CCSER2: variants seen among roughly 807,000 people sequenced by gnomAD.
The protein encoded by CCSER2 is coiled-coil serine rich protein 2, also known as serine-rich coiled-coil domain-containing protein 2.
In CCSER2, 46 loss-of-function variants were observed where a neutral mutation model predicts 92.3. The observed-to-expected ratio is 0.50, with a 90% confidence interval of 0.39 to 0.64. CCSER2 has a LOEUF of 0.64. Ranked by LOEUF, CCSER2 falls within the 30% of genes least tolerant of loss-of-function variation. The pLI is 0.00. For synonymous variants in CCSER2, 433 were observed against 431.4 expected (o/e 1.00, Z -0.04); for missense variants, 1,244 against 1,238.9 (o/e 1.00, Z -0.06).
At chr10:84,471,207 G>A (rs1416790214) in intron 8 of CCSER2, among the ~76,000 whole-genome samples, 3 of 152,058 alleles carry the variant, frequency 2.0e-5, no homozygotes, top group East Asian at 1.9e-4. Flanking sequence ...GTCAGCTCAC[G>A]GAGATCCATT....
intron 9 of CCSER2, among the ~76,000 whole-genome samples, chr10:84,492,475 A>G (rs1378391135): frequency 1.3e-5 from 2 of 152,070 alleles, no homozygotes; most frequent in Admixed American, 1.3e-4. Flanking sequence ...TCTTTGCATT[A>G]TGTCACCAGC....
rs762931084 is a variant in CCSER2 at position 84,371,734 on chromosome 10, A to G, written c.682A>G (p.Ile228Val). ...MVRSQSFSHS[I>V]QNSFLPPSSI... ...AAGGTCACAAAGTTTTTCACATTCC[A>G]TTCAGAATTCATTCCTTCCACCTTC... The change falls in exon 2 of 10, where the codon ATT becomes GTT. Residue 228 changes from isoleucine to valine, a missense_variant. Ile to Val is a conservative substitution (Grantham distance 29). Transcript: ENST00000372088. The G allele has an allele frequency of 1.2e-6, 2 of 1,613,506 alleles. No individual in the cohort carries two copies. Among genetic ancestry groups the G allele is most frequent in the South Asian group, 1.1e-5 (1 of 91,060 alleles).
At position 84,486,384 on chromosome 10, in the gene CCSER2, T is replaced by C. The variant is rs1847810350; in HGVS notation, c.2325+8720T>C. ...AACAGTGTAAAAGTGTTCCTATTTC[T>C]CCACATCCTCTCCAGCACCTGTTGT... On this transcript the variant is annotated intron_variant, in intron 9 of 9. Coordinates refer to ENST00000372088, the MANE Select transcript of CCSER2 (RefSeq NM_001284240.2). 4.6e-5 allele frequency among the ~76,000 whole-genome samples: 7 copies of C among 152,222 alleles called. No individual in the cohort carries two copies. In the South Asian group the frequency reaches 1.4e-3, roughly 31 times the overall value.
chr10:84,328,997 G>C (rs1412054096), intron 1 of CCSER2, among the ~76,000 whole-genome samples, 189 bp downstream of exon 1: 2 of 151,786 alleles, frequency 1.3e-5, no homozygotes, highest in Admixed American at 1.3e-4. Flanking sequence ...GACGCGGGGC[G>C]GGCGCGGACC....
chr10:84,433,084 A>G (rs189790284), intron 5 of CCSER2, among the ~76,000 whole-genome samples: 4 of 152,300 alleles, frequency 2.6e-5, no homozygotes, highest in East Asian at 3.9e-4. Flanking sequence ...TCTTTTGCCA[A>G]TACCACACAT....
At position 84,497,084 on chromosome 10, in the gene CCSER2, G is replaced by T. The variant is rs140359798; in HGVS notation, c.2326-16365G>T. Among the ~76,000 whole-genome samples, 385 of 152,288 alleles carry T rather than the reference G, an allele frequency of 2.5e-3. 2 individuals carry two copies. The highest frequency in any genetic ancestry group is 8.5e-3 in the African/African-American group (353 of 41,550). On this transcript the variant is annotated intron_variant, in intron 9 of 9. Transcript: ENST00000372088. ...AAGTAAGAGAGCTATTATTTTCAGGGTGGTTATATTTAATAGAAGAATTTT... is the reference window on the plus strand; with the variant it reads ...AAGTAAGAGAGCTATTATTTTCAGGTTGGTTATATTTAATAGAAGAATTTT...
intron 1 of CCSER2, among the ~76,000 whole-genome samples, chr10:84,348,743 T>C (rs1160367860): frequency 1.0e-5 from 1 of 95,782 alleles, no homozygotes; most frequent in East Asian, 3.3e-4. Context: ...AAGTTTTGGG[T>C]TTTTTTGGTA....
At chr10:84,511,809 A>G (rs1263282286) in intron 9 of CCSER2, among the ~76,000 whole-genome samples, 1 of 152,150 alleles carries the variant, frequency 6.6e-6, no homozygotes, top group Non-Finnish European at 1.5e-5. Flanking sequence ...TGTTGATTTA[A>G]TTATGTGGTG....
At chr10:84,367,476 A>C (rs539243923) in intron 1 of CCSER2, among the ~76,000 whole-genome samples, 1 of 151,648 alleles carries the variant, frequency 6.6e-6, no homozygotes, top group South Asian at 2.1e-4. Context: ...TCGTGGGCTC[A>C]GTTGATCTTC....
intron 5 of CCSER2, among the ~76,000 whole-genome samples, chr10:84,438,243 G>T (rs558198033): frequency 6.6e-6 from 1 of 152,268 alleles, no homozygotes; most frequent in South Asian, 2.1e-4. Context: ...CCAGAGTATT[G>T]TTTCTATTCC....
chr10:84,364,975 C>T lies in CCSER2; in HGVS notation c.-39-6039C>T, dbSNP rs144898007. 7.9e-5 allele frequency among the ~76,000 whole-genome samples: 12 copies of T among 152,138 alleles called. No homozygotes were observed. In the East Asian group the frequency reaches 2.3e-3, roughly 29 times the overall value. On this transcript the variant is annotated intron_variant, in intron 1 of 9. Transcript: ENST00000372088. The stretch of plus-strand genomic sequence containing the variant: ...CAGGCTGGTCTCGAACTCCTGACCT[C>T]AGGTGATCTACATGCTTCAGCTGCC...
intron 6 of CCSER2, among the ~76,000 whole-genome samples, chr10:84,456,472 T>C (rs1845628884): frequency 6.6e-6 from 1 of 152,210 alleles, no homozygotes; most frequent in African/African-American, 2.4e-5. Flanking sequence ...AGTTTGCTTA[T>C]TCATTTACCA....
At chr10:84,375,576 C>A in intron 3 of CCSER2, among the ~76,000 whole-genome samples, 1 of 141,926 alleles carries the variant, frequency 7.0e-6, no homozygotes, top group African/African-American at 2.6e-5. Flanking sequence ...TCCATCATTA[C>A]TTAGTGATCT....
intron 9 of CCSER2, among the ~76,000 whole-genome samples, chr10:84,509,155 GT>G (rs1240750899): frequency 2.6e-5 from 4 of 152,006 alleles, no homozygotes; most frequent in Admixed American, 2.6e-4. Flanking sequence ...GGGAACAATT[GT>G]TTTTTCCTAT....
chr10:84,503,391 T>C (rs551194700), intron 9 of CCSER2, among the ~76,000 whole-genome samples: 2 of 152,340 alleles, frequency 1.3e-5, no homozygotes, highest in Non-Finnish European at 2.9e-5. Context: ...GCAGAAAATA[T>C]CTACATTTAG....
rs150001297 is a variant in CCSER2 at position 84,359,449 on chromosome 10, G to A, written c.-39-11565G>A. Among the ~76,000 whole-genome samples, 410 of 152,272 alleles carry A rather than the reference G, an allele frequency of 2.7e-3. 3 individuals are homozygous for A. The highest frequency in any genetic ancestry group is 9.1e-3 in the African/African-American group (377 of 41,548). On this transcript the variant is annotated intron_variant, in intron 1 of 9. Coordinates refer to ENST00000372088, the MANE Select transcript of CCSER2 (RefSeq NM_001284240.2). ...TGTGTGTATCAGAATCACCTGGAAGGCTTTATTAAAACAAGATCTCTGGGC... is the reference window on the plus strand; with the variant it reads ...TGTGTGTATCAGAATCACCTGGAAGACTTTATTAAAACAAGATCTCTGGGC...
At chr10:84,484,075 A>G (rs1263541221) in intron 9 of CCSER2, among the ~76,000 whole-genome samples, 12 of 143,200 alleles carry the variant, frequency 8.4e-5, no homozygotes, top group South Asian at 6.6e-4. Context: ...CCGGGTTCAC[A>G]CCATTCCCCT....
At chr10:84,479,407 GC>G (rs1433915832) in intron 9 of CCSER2, among the ~76,000 whole-genome samples, 1 of 152,190 alleles carries the variant, frequency 6.6e-6, no homozygotes, top group Non-Finnish European at 1.5e-5. Flanking sequence ...GCTGCCAACA[GC>G]AGCAGAGCAA....
chr10:84,431,935 T>G (rs982190044), intron 5 of CCSER2, among the ~76,000 whole-genome samples: 1 of 152,178 alleles, frequency 6.6e-6, no homozygotes, highest in African/African-American at 2.4e-5. Context: ...GCACTATTGC[T>G]GGGTCATATG....
Sources: gnomAD v4.1 joint callset for allele counts (sites outside exome capture counted in the v4.1 genomes callset) on GRCh38, gnomAD v4.1.1 for gene constraint, MANE v1.5 for transcripts, NCBI Gene and HGNC (gene_info 2026-07-23, HGNC 2026-07-21) for gene names.